MAP2: variants seen among roughly 807,000 people sequenced by gnomAD.
MAP2 encodes microtubule-associated protein 2.
A neutral mutation model predicts 137.6 loss-of-function variants in MAP2; 14 were observed. The ratio of observed to expected loss-of-function variants is 0.10; its 90% CI spans 0.07 to 0.16. MAP2 has a LOEUF of 0.16. MAP2 is among the 10% of genes least tolerant of loss of function. The pLI is 1.00. For missense variants in MAP2, 2,088 were observed against 2,191.5 expected, an observed-to-expected ratio of 0.95 and a Z score of 0.94; for synonymous variants, 786 against 782.3, an observed-to-expected ratio of 1.00 and a Z score of -0.08.
At chr2:209,661,755 CATA>C in intron 5 of MAP2, 3 of 907,910 alleles carry the variant, frequency 3.3e-6, no homozygotes, top group Non-Finnish European at 4.0e-6. Context: ...TAGCTTCAAT[CATA>C]ATATTTGGCT....
intron 7 of MAP2, among the ~76,000 whole-genome samples, chr2:209,684,394 C>T (rs1031127546): frequency 3.3e-5 from 5 of 152,138 alleles, no homozygotes; most frequent in Non-Finnish European, 7.4e-5. Flanking sequence ...CAAAAGCTGG[C>T]AGAATGGAAA....
intron 1 of MAP2, among the ~76,000 whole-genome samples, chr2:209,429,002 G>A (rs989503769): frequency 1.3e-5 from 2 of 151,706 alleles, no homozygotes; most frequent in African/African-American, 4.8e-5. Flanking sequence ...CGCCCAGGCC[G>A]GAGTACAGTG....
At position 209,695,533 on chromosome 2, in the gene MAP2, C is replaced by T. The variant is rs747735936; in HGVS notation, c.3363C>T (p.His1121=). 4.3e-6 allele frequency: 7 copies of T among 1,613,872 alleles called. No individual in the cohort carries two copies. The highest frequency in any genetic ancestry group is 1.1e-5 in the South Asian group (1 of 91,068). ...AGGTGGCCAAGCCTGACTTGGTGCA[C>T]CAGGAGGCTGTAGACAAGGAGGAGT... ...KEKVAKPDLV[H]QEAVDKEESY... Residue 1121 remains histidine (H), a synonymous_variant, in exon 8 of 16, where the codon CAC becomes CAT. Transcript: ENST00000682079.
chr2:209,617,848 G>A (rs1456218382), intron 3 of MAP2, among the ~76,000 whole-genome samples: 2 of 152,062 alleles, frequency 1.3e-5, no homozygotes, highest in Non-Finnish European at 2.9e-5. Context: ...CACTTTGGCA[G>A]CATTGTTTGA....
At chr2:209,477,299 A>G (rs1380481881) in intron 1 of MAP2, among the ~76,000 whole-genome samples, 3 of 152,154 alleles carry the variant, frequency 2.0e-5, no homozygotes, top group African/African-American at 4.8e-5. Flanking sequence ...CTGCTTGTCA[A>G]TCTTAAACTA....
chr2:209,622,165 A>G (rs1385219424), intron 3 of MAP2, among the ~76,000 whole-genome samples: 5 of 152,218 alleles, frequency 3.3e-5, no homozygotes, highest in Non-Finnish European at 4.4e-5. Flanking sequence ...GAATGATATA[A>G]TGGGAGGCAG....
intron 2 of MAP2, among the ~76,000 whole-genome samples, chr2:209,517,072 A>G (rs576002435): frequency 1.3e-5 from 2 of 152,198 alleles, no homozygotes; most frequent in South Asian, 4.1e-4. Context: ...ATGATTATGC[A>G]TTTACTGGAA....
chr2:209,601,385 T>C (rs2153460967), intron 3 of MAP2, among the ~76,000 whole-genome samples: 1 of 152,294 alleles, frequency 6.6e-6, no homozygotes, highest in East Asian at 1.9e-4. Flanking sequence ...AATTCTCTTG[T>C]TAGGCTTAAC....
intron 3 of MAP2, among the ~76,000 whole-genome samples, chr2:209,619,195 C>A (rs1404189372): frequency 6.6e-6 from 1 of 151,938 alleles, no homozygotes; most frequent in Non-Finnish European, 1.5e-5. Context: ...GAAGTAAATT[C>A]AAGAGATCTA....
intron 1 of MAP2, among the ~76,000 whole-genome samples, chr2:209,426,282 T>A (rs1692554932): frequency 6.6e-6 from 1 of 152,106 alleles, no homozygotes. Context: ...CATCTGAAGA[T>A]CTAAGTAATT....
At chr2:209,557,039 A>G (rs536650445) in intron 2 of MAP2, among the ~76,000 whole-genome samples, 2 of 152,356 alleles carry the variant, frequency 1.3e-5, no homozygotes, top group African/African-American at 4.8e-5. Context: ...TTGAATATCT[A>G]TGTTAACAGA....
intron 15 of MAP2, 55 bp downstream of exon 15, chr2:209,730,017 A>G: frequency 7.4e-7 from 1 of 1,343,428 alleles, no homozygotes. Context: ...TTCTTCTGAA[A>G]TACTCTTCAT....
chr2:209,487,822 C>T (rs2058575810), intron 1 of MAP2, among the ~76,000 whole-genome samples: 2 of 152,000 alleles, frequency 1.3e-5, no homozygotes, highest in South Asian at 4.2e-4. Context: ...TTATCATAAA[C>T]CTTGAGTAAG....
chr2:209,533,230 C>T (rs764846285), intron 2 of MAP2, among the ~76,000 whole-genome samples: 2 of 152,056 alleles, frequency 1.3e-5, no homozygotes, highest in African/African-American at 2.4e-5. Context: ...CTGCAACCTC[C>T]GCCTCCCAGG....
At chr2:209,606,168 TTTGA>T (rs2084680652) in intron 3 of MAP2, among the ~76,000 whole-genome samples, 1 of 152,188 alleles carries the variant, frequency 6.6e-6, no homozygotes, top group Non-Finnish European at 1.5e-5. Flanking sequence ...AGAACATCCA[TTTGA>T]TTGATACCAC....
chr2:209,686,004 G>T (rs2056878120), intron 7 of MAP2, among the ~76,000 whole-genome samples: 1 of 152,132 alleles, frequency 6.6e-6, no homozygotes. Context: ...GTACCCTACT[G>T]AACATATCAG....
intron 2 of MAP2, among the ~76,000 whole-genome samples, chr2:209,552,212 G>T (rs1212911482): frequency 6.6e-6 from 1 of 152,062 alleles, no homozygotes; most frequent in Non-Finnish European, 1.5e-5. Context: ...ATTATAGAAA[G>T]ACTTAGCCTT....
At chr2:209,580,852 C>T (rs2076247111) in intron 3 of MAP2, among the ~76,000 whole-genome samples, 1 of 152,110 alleles carries the variant, frequency 6.6e-6, no homozygotes, top group Non-Finnish European at 1.5e-5. Flanking sequence ...TTCTTTAAGA[C>T]CGTCTTTAAC....
intron 1 of MAP2, among the ~76,000 whole-genome samples, chr2:209,432,895 G>A (rs941087025): frequency 2.0e-5 from 3 of 152,042 alleles, no homozygotes; most frequent in African/African-American, 7.2e-5. Context: ...ATTTTATTTG[G>A]TGGTCTGAAA....
Sources: allele counts gnomAD v4.1 joint callset (sites outside exome capture counted in the v4.1 genomes callset), GRCh38; gene constraint gnomAD v4.1.1; transcripts MANE v1.5; gene names NCBI Gene and HGNC (gene_info 2026-07-23, HGNC 2026-07-21).